MYO1B: variants seen among roughly 807,000 people sequenced by gnomAD.
MYO1B encodes the protein myosin IB, also known as unconventional myosin-Ib.
A neutral mutation model predicts 159.7 loss-of-function variants in MYO1B; 72 were observed. The observed-to-expected ratio is 0.45, with a 90% CI of 0.37 to 0.55. The LOEUF (loss-of-function observed/expected upper bound fraction) is 0.55, where lower values mean the gene tolerates loss of function less well. Ranked by LOEUF, MYO1B falls within the 20% of genes least tolerant of loss-of-function variation. The pLI, the probability that MYO1B is intolerant of heterozygous loss-of-function variation, is 0.00. For missense variants in MYO1B, 1,062 were observed against 1,364.8 expected (o/e 0.78, Z 3.50); for synonymous variants, 468 against 473.8 (o/e 0.99, Z 0.16).
rs541835153 is a variant in MYO1B, at chr2:191,310,910, A to G, written c.251+14684A>G. Among the ~76,000 whole-genome samples, 28 of 152,356 alleles carry G rather than the reference A, an allele frequency of 1.8e-4. No homozygotes were observed. In the South Asian group the frequency reaches 3.5e-3, roughly 19 times the overall value. ...GTGAATGATTTAATGTTGAAATGAT[A>G]TAAGTGTAAACAGATGTTAATTCAT... On this transcript the variant is annotated intron_variant, in intron 3 of 30. Transcript: ENST00000392318.
At chr2:191,308,430 A>C (rs1689784860) in intron 3 of MYO1B, among the ~76,000 whole-genome samples, 1 of 152,182 alleles carries the variant, frequency 6.6e-6, no homozygotes, top group African/African-American at 2.4e-5. Flanking sequence ...TTAGTAGGCC[A>C]CCTTTTTCCA....
At chr2:191,256,679 T>G (rs1686472283) in intron 1 of MYO1B, among the ~76,000 whole-genome samples, 1 of 152,226 alleles carries the variant, frequency 6.6e-6, no homozygotes, top group South Asian at 2.1e-4. Flanking sequence ...TATAACCTGG[T>G]TATGTTACCT....
intron 2 of MYO1B, among the ~76,000 whole-genome samples, chr2:191,282,913 G>A (rs917150237): frequency 1.1e-4 from 16 of 152,218 alleles, no homozygotes; most frequent in African/African-American, 3.9e-4. Flanking sequence ...TACTCTGATC[G>A]CTGCAAAGGT....
intron 1 of MYO1B, among the ~76,000 whole-genome samples, chr2:191,267,663 C>T (rs941653550): frequency 6.6e-6 from 1 of 152,170 alleles, no homozygotes; most frequent in Non-Finnish European, 1.5e-5. Context: ...CTTTAGGGAG[C>T]CCTGCAGGGC....
chr2:191,300,825 G>C (rs1173879436), intron 3 of MYO1B, among the ~76,000 whole-genome samples: 1 of 151,644 alleles, frequency 6.6e-6, no homozygotes, highest in Non-Finnish European at 1.5e-5. Flanking sequence ...AAAGCATCCA[G>C]ATACTTTTGT....
At position 191,369,493 on chromosome 2, in the gene MYO1B, G is replaced by A. The variant is rs200205614; in HGVS notation, c.1033-49G>A. ...ATCTTTATGATTTTATTAAAAGTAA[G>A]CATTGTGGAATTGTGGGTGTTAAGT... is the stretch of plus-strand genomic sequence containing the variant. On this transcript the variant is annotated intron_variant, in intron 11 of 30. Coordinates refer to ENST00000392318, the MANE Select transcript of MYO1B (RefSeq NM_001130158.3). 15 of 1,285,324 alleles carry A rather than the reference G, an allele frequency of 1.2e-5. No homozygotes were observed. In the East Asian group the frequency reaches 3.2e-4, roughly 28 times the overall value. 79.6% of individuals were successfully genotyped at this position (1,285,324 alleles called of 1,614,324 possible).
chr2:191,256,048 C>A (rs1686424764), intron 1 of MYO1B, among the ~76,000 whole-genome samples: 1 of 152,174 alleles, frequency 6.6e-6, no homozygotes. Context: ...AGGGCTCAGG[C>A]ATGACAATGG....
chr2:191,263,434 C>A, intron 1 of MYO1B: 1 of 642,668 alleles, frequency 1.6e-6, no homozygotes, highest in Non-Finnish European at 1.9e-6. Context: ...ATAATTTTGT[C>A]ATTTAAAAAG....
At chr2:191,355,372 C>A (rs573979589) in intron 7 of MYO1B, among the ~76,000 whole-genome samples, 1 of 152,166 alleles carries the variant, frequency 6.6e-6, no homozygotes, top group Non-Finnish European at 1.5e-5. Context: ...TGTTATGCAG[C>A]AAAAACTAAC....
intron 25 of MYO1B, among the ~76,000 whole-genome samples, 187 bp from the exon 26 acceptor site, chr2:191,408,857 A>G (rs2203749): frequency 0.97 from 147,006 of 152,296 alleles, 71,148 homozygotes; most frequent in Middle Eastern, 1. Flanking sequence ...ACCATTTGGT[A>G]GAACTCATAT....
rs752468373 is a variant in MYO1B at position 191,364,184 on chromosome 2, G to A, written c.940G>A (p.Gly314Ser). 11 of 1,613,698 alleles carry A rather than the reference G, an allele frequency of 6.8e-6. No homozygotes were observed. Among genetic ancestry groups the A allele is most frequent in the East Asian group, 4.5e-5 (2 of 44,890 alleles). The change falls in exon 11 of 31, where the codon GGC (glycine) becomes AGC (serine). Residue 314 changes from glycine to serine, a missense_variant. Physicochemically the swap from Gly to Ser is moderately conservative, Grantham distance 56. This residue lies in a region of MYO1B where 415 missense variants were observed against 544.0 expected (regional missense o/e 0.76). Transcript: ENST00000392318. The stretch of plus-strand genomic sequence containing the variant: ...GTTAAAAGAAATTTGTGAATTGACC[G>A]GCATTGATCAATCAGTTCTAGAACG... ...NELKEICELT[G>S]IDQSVLERAF...
intron 26 of MYO1B, 67 bp downstream of exon 26, chr2:191,409,245 A>G (rs1412783199): frequency 6.6e-7 from 1 of 1,507,542 alleles, no homozygotes; most frequent in African/African-American, 1.4e-5. Flanking sequence ...AAAAACACAT[A>G]AAATCAAAAC....
At chr2:191,305,690 G>C (rs1458002650) in intron 3 of MYO1B, among the ~76,000 whole-genome samples, 1 of 152,192 alleles carries the variant, frequency 6.6e-6, no homozygotes, top group Non-Finnish European at 1.5e-5. Flanking sequence ...GGCATGTCCT[G>C]GTTTGCCCTG....
intron 7 of MYO1B, among the ~76,000 whole-genome samples, chr2:191,359,428 C>T (rs1436698862): frequency 4.6e-5 from 7 of 151,338 alleles, no homozygotes; most frequent in African/African-American, 1.7e-4. Flanking sequence ...GAAAAATCTG[C>T]AGCATCCTGC....
At chr2:191,400,668 CT>C (rs1559236992) in intron 22 of MYO1B, 80 bp from the exon 23 acceptor site, 1 of 1,415,382 alleles carries the variant, frequency 7.1e-7, no homozygotes. Flanking sequence ...TAGTGTCTCT[CT>C]TTTTCTTTCT....
At chr2:191,387,503 GA>G in intron 17 of MYO1B, 53 bp downstream of exon 17, 2 of 1,497,406 alleles carry the variant, frequency 1.3e-6, no homozygotes, top group African/African-American at 2.8e-5. Context: ...CACCCCGAAG[GA>G]ATATCATTTT....
intron 3 of MYO1B, among the ~76,000 whole-genome samples, chr2:191,325,915 G>C (rs942758337): frequency 6.6e-6 from 1 of 152,100 alleles, no homozygotes; most frequent in Non-Finnish European, 1.5e-5. Context: ...AACATACTTA[G>C]TGCTAGGGAA....
intron 1 of MYO1B, among the ~76,000 whole-genome samples, chr2:191,251,512 G>C (rs779246307): frequency 5.3e-5 from 8 of 152,212 alleles, no homozygotes; most frequent in Non-Finnish European, 1.0e-4. Flanking sequence ...GATAGCTTAA[G>C]AGAGGCTTAA....
chr2:191,310,549 A>T (rs1689939532), intron 3 of MYO1B, among the ~76,000 whole-genome samples: 1 of 152,246 alleles, frequency 6.6e-6, no homozygotes, highest in South Asian at 2.1e-4. Flanking sequence ...TTTATAGAAG[A>T]TAAGACAAAA....
Sources: gnomAD v4.1 joint callset for allele counts (sites outside exome capture counted in the v4.1 genomes callset) on GRCh38, gnomAD v4.1.1 for gene constraint, gnomAD v4.1.1 regional missense constraint, MANE v1.5 for transcripts, NCBI Gene and HGNC (gene_info 2026-07-23, HGNC 2026-07-21) for gene names.